ITPA: variants seen among roughly 807,000 people sequenced by gnomAD.
ITPA encodes the protein inosine triphosphate pyrophosphatase.
In ITPA, 29 loss-of-function variants were observed where a neutral mutation model predicts 29.6. The ratio of observed to expected loss-of-function variants is 0.98; its 90% confidence interval spans 0.73 to 1.34. The LOEUF (loss-of-function observed/expected upper bound fraction) is 1.34, where lower values mean the gene tolerates loss of function less well. Among genes scored for constraint, ITPA ranks in the 40% most tolerant of loss-of-function variants. The pLI is 0.00. For missense variants in ITPA, 241 were observed against 251.5 expected (o/e 0.96, Z 0.28); for synonymous variants, 103 against 99.3 (o/e 1.04, Z -0.22).
chr20:3,221,942 T>G, intron 7 of ITPA, 25 bp downstream of exon 7: 3 of 1,606,448 alleles, frequency 1.9e-6, no homozygotes, highest in Non-Finnish European at 2.6e-6. Flanking sequence ...TTTTCTTCCC[T>G]GGGGTGTGGG....
chr20:3,225,353 C>T (rs1177505502), downstream of ITPA, among the ~76,000 whole-genome samples: 1 of 152,174 alleles, frequency 6.6e-6, no homozygotes, highest in African/African-American at 2.4e-5. Context: ...CAAGACAGGA[C>T]TAGAGGACTG....
At position 3,209,565 on chromosome 20, in the gene ITPA, T is replaced by A; in HGVS notation, c.14T>A (p.Leu5Ter). The A allele has an allele frequency of 5.6e-6, 9 of 1,613,796 alleles. No individual in the cohort carries two copies. The highest frequency in any genetic ancestry group is 7.6e-6 in the Non-Finnish European group (9 of 1,179,930). ...CCGGGGATCACCATGGCGGCCTCAT[T>A]GGTGGGGAAGAAGATCGTGTTTGTA... MAAS[L>*]VGKKIVFVTG... is the part of the protein sequence containing the mutation. Residue 5 changes from leucine to a stop codon, truncating the protein, a stop_gained, in exon 1 of 8, where the codon TTG becomes TAG. Transcript: ENST00000380113. LOFTEE classifies it high-confidence loss of function. This position sits in a 1 kb window ranked among gnomAD's most constrained non-coding sequence, Gnocchi z 4.6.
At chr20:3,214,911 G>A (rs2067258824) in intron 4 of ITPA, among the ~76,000 whole-genome samples, 1 of 151,562 alleles carries the variant, frequency 6.6e-6, no homozygotes, top group South Asian at 2.1e-4. Flanking sequence ...GTGAGACAGG[G>A]TCTCAGTCTG....
chr20:3,225,340 G>A (rs1457784438), downstream of ITPA, among the ~76,000 whole-genome samples: 1 of 152,310 alleles, frequency 6.6e-6, no homozygotes, highest in East Asian at 1.9e-4. Flanking sequence ...GTTATGGAAA[G>A]ACCAAGACAG....
chr20:3,204,383 G>A (rs530566208), upstream of ITPA, among the ~76,000 whole-genome samples: 6 of 152,250 alleles, frequency 3.9e-5, no homozygotes, highest in South Asian at 2.1e-4. Flanking sequence ...AGGGCACTGC[G>A]GAAGCCCCAC....
At chr20:3,207,412 G>A (rs143342837), upstream of ITPA, among the ~76,000 whole-genome samples, 2 of 152,236 alleles carry the variant, frequency 1.3e-5, no homozygotes, top group African/African-American at 4.8e-5. Flanking sequence ...TGAGAGGTGA[G>A]GCTGGGCACC....
chr20:3,208,093 A>G (rs545186705), upstream of ITPA, among the ~76,000 whole-genome samples: 5 of 152,204 alleles, frequency 3.3e-5, no homozygotes, highest in South Asian at 8.3e-4. Context: ...ACACAAATGA[A>G]TATCTATTTG....
intron 6 of ITPA, among the ~76,000 whole-genome samples, chr20:3,220,977 C>A (rs1281239647): frequency 6.6e-6 from 1 of 152,118 alleles, no homozygotes; most frequent in Non-Finnish European, 1.5e-5. Context: ...CTCACTGCAG[C>A]CTCGACCTCT....
rs2067499508 is a variant in ITPA, at chr20:3,222,815, GA to G, written c.489-548del. On this transcript the variant is annotated intron_variant, in intron 7 of 7. Transcript: ENST00000380113. Reference sequence around the variant, plus strand: ...GAGCACTTGCGTGTGGTGAGACCCAGAAACGGAATATTTCTGTTCAGCGTTA... The same window carrying G: ...GAGCACTTGCGTGTGGTGAGACCCAGAACGGAATATTTCTGTTCAGCGTTA... 2.0e-5 allele frequency among the ~76,000 whole-genome samples: 3 copies of G among 152,234 alleles called. No homozygotes were observed. The South Asian group carries it at 6.2e-4, about 31-fold the overall frequency.
chr20:3,205,613 T>A (rs529518203), upstream of ITPA, among the ~76,000 whole-genome samples: 1 of 151,940 alleles, frequency 6.6e-6, no homozygotes, highest in East Asian at 1.9e-4. Flanking sequence ...GGTGGGAAGA[T>A]CACCTGAGCC....
At chr20:3,215,213 A>G in intron 4 of ITPA, 68 bp from the exon 5 acceptor site, 1 of 1,512,604 alleles carries the variant, frequency 6.6e-7, no homozygotes, top group Non-Finnish European at 9.2e-7. Context: ...AATAGGGAAC[A>G]GCCTGGAAAA....
rs1471105112 is a variant in ITPA, at chr20:3,223,730, A to G, written c.*268A>G. ...GGTCCTGAAAGGACCTTGGGTGGTA[A>G]AGCTGTACTTGGTGGGAGTGAGGGC... On this transcript the variant is annotated 3_prime_UTR_variant, in exon 8 of 8. Coordinates refer to ENST00000380113, the MANE Select transcript of ITPA (RefSeq NM_033453.4). 10 of 544,928 alleles carry G rather than the reference A, an allele frequency of 1.8e-5. No homozygotes were observed. Among genetic ancestry groups the G allele is most frequent in the African/African-American group, 7.6e-5 (4 of 52,836 alleles). 33.8% of individuals were successfully genotyped at this position (544,928 alleles called of 1,614,324 possible).
intron 5 of ITPA, among the ~76,000 whole-genome samples, chr20:3,216,677 C>T (rs1208869357): frequency 6.6e-6 from 1 of 152,016 alleles, no homozygotes. Flanking sequence ...GTCTCGAACT[C>T]CTGACCTCAG....
chr20:3,206,985 G>T (rs2067075723), upstream of ITPA, among the ~76,000 whole-genome samples: 1 of 152,050 alleles, frequency 6.6e-6, no homozygotes, highest in Admixed American at 6.6e-5. Flanking sequence ...CTGTACTTCA[G>T]CCTGGGCAAC....
At position 3,214,071 on chromosome 20, in the gene ITPA, C is replaced by T. The variant is rs1182530501; in HGVS notation, c.263+13C>T. 6.8e-6 allele frequency: 11 copies of T among 1,613,398 alleles called. No homozygotes were observed. Among genetic ancestry groups the T allele is most frequent in the Non-Finnish European group, 8.5e-6 (10 of 1,179,420 alleles). On this transcript the variant is annotated intron_variant, in intron 4 of 7. Coordinates refer to ENST00000380113, the MANE Select transcript of ITPA (RefSeq NM_033453.4). ...CCGGCCCCTACATGTGAGTGACTACCTCCACCCCCTTACAGGGCGTCAGGC... is the reference window on the plus strand; with the variant it reads ...CCGGCCCCTACATGTGAGTGACTACTTCCACCCCCTTACAGGGCGTCAGGC...
chr20:3,205,955 C>G (rs568262556), upstream of ITPA, among the ~76,000 whole-genome samples: 6 of 150,570 alleles, frequency 4.0e-5, no homozygotes, highest in East Asian at 1.2e-3. Flanking sequence ...ACTCGGGAGG[C>G]TGAGGCAGGA....
At chr20:3,218,108 CGG>C (rs1052658395) in intron 5 of ITPA, among the ~76,000 whole-genome samples, 1 of 150,788 alleles carries the variant, frequency 6.6e-6, no homozygotes, top group Admixed American at 6.6e-5. Flanking sequence ...TTAGTAGAGA[CGG>C]GGTTTCACCG....
Position 3,213,973 on chromosome 20 carries a change from T to C in ITPA, c.190-12T>C, listed in dbSNP as rs1214254368. On this transcript the variant is annotated splice_polypyrimidine_tract_variant and intron_variant, in intron 3 of 7. Transcript: ENST00000380113. ...ATCATGGGTCTCAGGGCTGTATGTC[T>C]TTGTGCTGCAGGTACAGGGGCCCGT... The C allele has an allele frequency of 1.9e-6, 3 of 1,614,054 alleles. No individual in the cohort carries two copies. In the African/African-American group the frequency reaches 4.0e-5, roughly 22 times the overall value.
chr20:3,213,227 G>C lies in ITPA; in HGVS notation c.124+1G>C, dbSNP rs376142053. 4 of 1,614,040 alleles carry C rather than the reference G, an allele frequency of 2.5e-6. No individual in the cohort carries two copies. Among genetic ancestry groups the C allele is most frequent in the Non-Finnish European group, 3.4e-6 (4 of 1,180,032 alleles). ...ACTTTGGTGGCACAGAAAATTGACC[G>C]TATGTCTCTGTTTTGTTTTATTTTT... On this transcript the variant is annotated splice_donor_variant, in intron 2 of 7. Transcript: ENST00000380113. LOFTEE classifies it high-confidence loss of function.
Sources: gnomAD v4.1 joint callset for allele counts (sites outside exome capture counted in the v4.1 genomes callset) on GRCh38, gnomAD v4.1.1 for gene constraint, Gnocchi (gnomAD v3.1) non-coding constraint, MANE v1.5 for transcripts, NCBI Gene and HGNC (gene_info 2026-07-23, HGNC 2026-07-21) for gene names.